CCSER1: variants seen among roughly 807,000 people sequenced by gnomAD.
CCSER1 encodes the protein serine-rich coiled-coil domain-containing protein 1.
Under a neutral mutation model 82.0 loss-of-function variants are expected in CCSER1, and 41 were observed. The ratio of observed to expected loss-of-function variants is 0.50; its 90% CI spans 0.39 to 0.65. CCSER1 has a LOEUF of 0.65. CCSER1 is among the 30% of genes least tolerant of loss of function. The pLI is 0.00. For synonymous variants in CCSER1, 414 were observed against 383.9 expected (o/e 1.08, Z -0.92); for missense variants, 1,119 against 1,064.2 (o/e 1.05, Z -0.72).
chr4:90,128,224 G>A (rs1236503402), intron 1 of CCSER1, among the ~76,000 whole-genome samples: 1 of 152,172 alleles, frequency 6.6e-6, no homozygotes, highest in East Asian at 1.9e-4. Context: ...CGCAGGTAGA[G>A]GCGACCGGTC....
chr4:90,846,195 G>T lies in CCSER1; in HGVS notation c.2094+30350G>T, dbSNP rs536718695. Among the ~76,000 whole-genome samples, 31 of 152,250 alleles carry T rather than the reference G, an allele frequency of 2.0e-4. 1 individual carries two copies. The South Asian group carries it at 6.2e-3, about 31-fold the overall frequency. On this transcript the variant is annotated intron_variant, in intron 8 of 10. Transcript: ENST00000509176. Reference sequence around the variant, plus strand: ...CTCCATTGCCCAGTAACTTTAAGGTGATTGTTTGCTCACTATAAATAGAGA... The same window carrying T: ...CTCCATTGCCCAGTAACTTTAAGGTTATTGTTTGCTCACTATAAATAGAGA...
intron 10 of CCSER1, among the ~76,000 whole-genome samples, chr4:91,237,496 G>T (rs894732828): frequency 1.3e-5 from 2 of 152,072 alleles, no homozygotes; most frequent in Non-Finnish European, 2.9e-5. Context: ...GGCAAAAAGA[G>T]CCTAATTTTT....
At chr4:90,525,832 G>T (rs1773690676) in intron 5 of CCSER1, among the ~76,000 whole-genome samples, 1 of 151,968 alleles carries the variant, frequency 6.6e-6, no homozygotes, top group African/African-American at 2.4e-5. Context: ...TAGAGATGGG[G>T]TCTCACTATG....
chr4:90,668,398 G>A (rs1227572953), intron 6 of CCSER1, among the ~76,000 whole-genome samples: 2 of 152,138 alleles, frequency 1.3e-5, no homozygotes, highest in African/African-American at 4.8e-5. Flanking sequence ...TTAAGAAAAA[G>A]AGCCATCTTT....
intron 10 of CCSER1, among the ~76,000 whole-genome samples, chr4:91,221,613 C>T (rs181118541): frequency 6.6e-6 from 1 of 152,250 alleles, no homozygotes; most frequent in East Asian, 1.9e-4. Flanking sequence ...ATAATAACTT[C>T]ATCAGGTCAA....
intron 5 of CCSER1, among the ~76,000 whole-genome samples, chr4:90,559,826 A>G (rs1778540441): frequency 6.6e-6 from 1 of 150,960 alleles, no homozygotes; most frequent in Non-Finnish European, 1.5e-5. Context: ...AAAAAAAAAA[A>G]AAAAAAAAAT....
At chr4:90,524,765 C>A (rs1462711518) in intron 5 of CCSER1, among the ~76,000 whole-genome samples, 17 of 152,014 alleles carry the variant, frequency 1.1e-4, no homozygotes, top group Non-Finnish European at 2.2e-4. Flanking sequence ...CCTTGCCTGG[C>A]CAAATGTTTT....
chr4:90,498,058 C>G (rs914929425), intron 5 of CCSER1, among the ~76,000 whole-genome samples: 1 of 150,882 alleles, frequency 6.6e-6, no homozygotes, highest in South Asian at 2.1e-4. Context: ...TTCTAGTAAT[C>G]CCCACTTATC....
At position 90,473,479 on chromosome 4, in the gene CCSER1, A is replaced by G. The variant is rs1764660264; in HGVS notation, c.1724+5125A>G. 3.3e-5 allele frequency among the ~76,000 whole-genome samples: 5 copies of G among 152,292 alleles called. 1 individual carries two copies. The highest frequency in any genetic ancestry group is 3.3e-4 in the Admixed American group (5 of 15,300). On this transcript the variant is annotated intron_variant, in intron 5 of 10. Coordinates refer to ENST00000509176, the MANE Select transcript of CCSER1 (RefSeq NM_001145065.2). The stretch of plus-strand genomic sequence containing the variant: ...ATATTGTCATTCTCTCCAAGTTTCA[A>G]TACCTCTTTGTAATGCTTCAGTTTC...
chr4:91,230,652 G>C (rs6858247), intron 10 of CCSER1, among the ~76,000 whole-genome samples: 103,310 of 151,656 alleles, frequency 0.68, 36,137 homozygotes, highest in East Asian at 0.93. Context: ...CAAAACAAAG[G>C]AAAGCAAGCA....
At chr4:90,989,843 G>A (rs566018525) in intron 9 of CCSER1, among the ~76,000 whole-genome samples, 208 of 151,892 alleles carry the variant, frequency 1.4e-3, no homozygotes, top group Non-Finnish European at 2.1e-3. Flanking sequence ...TAGAATTAGA[G>A]AGAGAGAAAG....
rs185458210 is a variant in CCSER1 at position 91,303,640 on chromosome 4, T to C, written c.2217+217646T>C. On this transcript the variant is annotated intron_variant, in intron 10 of 10. Transcript: ENST00000509176. ...ATCTCTACAAAAAGAATAATAATAA[T>C]AATAATTAGCTAGGTGCAGTGGTGC... is the stretch of plus-strand genomic sequence containing the variant. Among the ~76,000 whole-genome samples, 292 of 151,446 alleles carry C rather than the reference T, an allele frequency of 1.9e-3. 1 individual carries two copies. Among genetic ancestry groups the C allele is most frequent in the African/African-American group, 6.7e-3 (278 of 41,316 alleles).
rs372683189 is a variant in CCSER1 at position 90,176,869 on chromosome 4, T to C, written c.-42+49038T>C. Among the ~76,000 whole-genome samples the C allele has an allele frequency of 5.3e-5, 8 of 152,214 alleles. No individual in the cohort carries two copies. In the East Asian group the frequency reaches 1.5e-3, roughly 29 times the overall value. ...ATATGTAGTTTAGACATCTGTGTTA[T>C]TCTCTGGGTACAGATTAGTTAGGCT... On this transcript the variant is annotated intron_variant, in intron 1 of 10. Coordinates refer to ENST00000509176, the MANE Select transcript of CCSER1 (RefSeq NM_001145065.2).
chr4:91,153,407 C>T (rs1730461312), intron 10 of CCSER1, among the ~76,000 whole-genome samples: 1 of 151,850 alleles, frequency 6.6e-6, no homozygotes, highest in South Asian at 2.1e-4. Flanking sequence ...AGTTAGCCAT[C>T]GTCTAATCTT....
chr4:90,905,246 A>G (rs902933247), intron 8 of CCSER1, among the ~76,000 whole-genome samples: 4 of 152,034 alleles, frequency 2.6e-5, no homozygotes, highest in African/African-American at 9.7e-5. Context: ...ATACAATTGA[A>G]TTGTGCTAGA....
At chr4:90,691,616 A>C (rs546298377) in intron 6 of CCSER1, among the ~76,000 whole-genome samples, 57 of 143,418 alleles carry the variant, frequency 4.0e-4, no homozygotes, top group Middle Eastern at 4.0e-3. Context: ...TATCACATGT[A>C]TATATGTGTA....
At chr4:90,417,688 T>C (rs1019382585) in intron 4 of CCSER1, among the ~76,000 whole-genome samples, 3 of 152,178 alleles carry the variant, frequency 2.0e-5, no homozygotes, top group Admixed American at 2.0e-4. Context: ...GCGTAGTTGC[T>C]AAATTATTTT....
chr4:91,598,727 TA>T lies in CCSER1; in HGVS notation c.2375del (p.Asn792IlefsTer3). 1 of 1,551,478 alleles carries T rather than the reference TA, an allele frequency of 6.4e-7. No individual in the cohort carries two copies. The highest frequency in any genetic ancestry group is 8.7e-7 in the Non-Finnish European group (1 of 1,146,918). ...TCQLPSLCLS[N>X]FLKDKELAEV... The stretch of plus-strand genomic sequence containing the variant: ...GTCAACTCCCAAGTCTCTGTTTAAG[TA>T]ATTTCCTGAAGGACAAGGAACTAGC... On this transcript the variant is annotated frameshift_variant, in exon 11 of 11. Coordinates refer to ENST00000509176, the MANE Select transcript of CCSER1 (RefSeq NM_001145065.2). LOFTEE classifies it high-confidence loss of function.
At chr4:90,954,344 T>A (rs1170398584) in intron 9 of CCSER1, among the ~76,000 whole-genome samples, 5 of 152,078 alleles carry the variant, frequency 3.3e-5, no homozygotes, top group Admixed American at 2.6e-4. Context: ...ATTTTAGTAG[T>A]TAACATTTTT....
Sources: allele counts gnomAD v4.1 joint callset (sites outside exome capture counted in the v4.1 genomes callset), GRCh38; gene constraint gnomAD v4.1.1; transcripts MANE v1.5; gene names NCBI Gene and HGNC (gene_info 2026-07-23, HGNC 2026-07-21).